Variants in SLC7A14 observed in about 807,000 individuals in gnomAD.
SLC7A14 encodes solute carrier family 7 member 14.
Under a neutral mutation model 60.2 loss-of-function variants are expected in SLC7A14, and 37 were observed. The observed-to-expected ratio is 0.61, with a 90% CI of 0.47 to 0.81. The LOEUF is 0.81. Among genes scored for constraint, SLC7A14 ranks in the 30% least tolerant of loss-of-function variants. The pLI, the probability that SLC7A14 is intolerant of heterozygous loss-of-function variation, is 0.00. For synonymous variants in SLC7A14, 399 were observed against 395.8 expected (o/e 1.01, Z -0.10); for missense variants, 886 against 982.7 (o/e 0.90, Z 1.32).
Position 170,527,016 on chromosome 3 carries a change from C to G in SLC7A14, c.-80G>C. On this transcript the variant is annotated 5_prime_UTR_variant, in exon 2 of 8. Coordinates refer to ENST00000231706, the MANE Select transcript of SLC7A14 (RefSeq NM_020949.3). ...CTTAGTGGATGGTTCTGGAACTCAT[C>G]TAGTGAACAGGGATCTCCCTTTTAG... The G allele has an allele frequency of 6.9e-7, 1 of 1,445,006 alleles. No homozygotes were observed. The highest frequency in any genetic ancestry group is 9.3e-7 in the Non-Finnish European group (1 of 1,075,912). 89.5% of individuals were successfully genotyped at this position (1,445,006 alleles called of 1,614,324 possible).
chr3:170,569,470 C>A (rs1714882721), intron 1 of SLC7A14, among the ~76,000 whole-genome samples: 1 of 151,658 alleles, frequency 6.6e-6, no homozygotes, highest in Non-Finnish European at 1.5e-5. Context: ...GTCTAAAATT[C>A]TCTTTTTTGG....
chr3:170,551,808 T>G (rs1038505715), intron 1 of SLC7A14, among the ~76,000 whole-genome samples: 4 of 152,252 alleles, frequency 2.6e-5, no homozygotes, highest in Non-Finnish European at 5.9e-5. Context: ...GATATATGTG[T>G]TGCAATATAA....
chr3:170,554,786 A>C (rs1714441992), intron 1 of SLC7A14, among the ~76,000 whole-genome samples: 1 of 152,196 alleles, frequency 6.6e-6, no homozygotes, highest in Non-Finnish European at 1.5e-5. Context: ...ATTTGCCCTC[A>C]TCTATTTTTC....
At position 170,484,676 on chromosome 3, in the gene SLC7A14, A is replaced by G. The variant is rs146471025; in HGVS notation, c.907-1154T>C. Among the ~76,000 whole-genome samples, 167 of 152,250 alleles carry G rather than the reference A, an allele frequency of 1.1e-3. 1 individual carries two copies. The highest frequency in any genetic ancestry group is 1.5e-3 in the Non-Finnish European group (104 of 68,010). On this transcript the variant is annotated intron_variant, in intron 5 of 7. Transcript: ENST00000231706. ...GCCAAGGGCCACCAAGGAGGACAGG[A>G]TGTCCTAGCAAAGCCCAGCAACCTT...
intron 1 of SLC7A14, among the ~76,000 whole-genome samples, chr3:170,545,385 A>C (rs180773490): frequency 9.9e-4 from 150 of 152,256 alleles, no homozygotes; most frequent in Admixed American, 9.0e-3. Flanking sequence ...CCTTATCCAG[A>C]GTCTTTTTCC....
chr3:170,549,217 T>C (rs971784048), intron 1 of SLC7A14, among the ~76,000 whole-genome samples: 23 of 132,200 alleles, frequency 1.7e-4, no homozygotes, highest in East Asian at 9.8e-4. Context: ...CCTTCTTCTT[T>C]TTTTTTTTTT....
At chr3:170,476,967 T>C (rs536081799) in intron 7 of SLC7A14, 1 of 152,338 alleles carries the variant, frequency 6.6e-6, no homozygotes, top group East Asian at 1.9e-4. Context: ...GAGTTTTCAA[T>C]GTAAAATGAA....
chr3:170,482,327 A>G (rs887312481), intron 6 of SLC7A14, among the ~76,000 whole-genome samples: 3 of 152,166 alleles, frequency 2.0e-5, no homozygotes, highest in Non-Finnish European at 2.9e-5. Context: ...CGCCTCCATC[A>G]CCCTAGGCCC....
chr3:170,472,968 A>G (rs913181207), intron 7 of SLC7A14, among the ~76,000 whole-genome samples: 19 of 152,176 alleles, frequency 1.2e-4, no homozygotes, highest in African/African-American at 4.3e-4. Flanking sequence ...AATGCACTTT[A>G]TATATTAAAA....
chr3:170,484,936 A>G (rs1389391914), intron 5 of SLC7A14, among the ~76,000 whole-genome samples: 1 of 152,190 alleles, frequency 6.6e-6, no homozygotes, highest in Non-Finnish European at 1.5e-5. Flanking sequence ...TTGGTGGATC[A>G]TAGAAGTACT....
At chr3:170,525,525 G>T (rs1201940480) in intron 2 of SLC7A14, among the ~76,000 whole-genome samples, 1 of 152,100 alleles carries the variant, frequency 6.6e-6, no homozygotes, top group East Asian at 1.9e-4. Context: ...TTCTCCTTGG[G>T]GGCTCGATGC....
intron 7 of SLC7A14, among the ~76,000 whole-genome samples, chr3:170,479,891 T>C (rs1039412965): frequency 6.6e-6 from 1 of 152,210 alleles, no homozygotes; most frequent in Non-Finnish European, 1.5e-5. Context: ...AAATCTAAGA[T>C]AGTTTTTCAT....
chr3:170,547,196 T>C (rs1329892599), intron 1 of SLC7A14, among the ~76,000 whole-genome samples: 3 of 152,234 alleles, frequency 2.0e-5, no homozygotes, highest in African/African-American at 7.2e-5. Flanking sequence ...GCAGATTCTA[T>C]GAGCCAAATA....
At chr3:170,548,348 A>T (rs961991665) in intron 1 of SLC7A14, among the ~76,000 whole-genome samples, 1 of 152,204 alleles carries the variant, frequency 6.6e-6, no homozygotes, top group Non-Finnish European at 1.5e-5. Flanking sequence ...GGCTTAAATA[A>T]ATAAACACAA....
At position 170,462,055 on chromosome 3, in the gene SLC7A14, C is replaced by G. The variant is rs1424124371; in HGVS notation, c.*5000G>C. ...TGCGTAGACTCCGTAAGCAGACCCCCGCTCTGGCTTCAGACACATTTCCTG... is the reference window on the plus strand; with the variant it reads ...TGCGTAGACTCCGTAAGCAGACCCCGGCTCTGGCTTCAGACACATTTCCTG... On this transcript the variant is annotated 3_prime_UTR_variant, in exon 8 of 8. Transcript: ENST00000231706. 1 of 152,410 alleles carries G rather than the reference C, an allele frequency of 6.6e-6. No homozygotes were observed. The highest frequency in any genetic ancestry group is 6.5e-5 in the Admixed American group (1 of 15,280). 9.4% of individuals were successfully genotyped at this position (152,410 alleles called of 1,614,324 possible). A position where few individuals can be genotyped will look rare whatever the true frequency, so the allele number is the denominator to read the frequency against.
chr3:170,488,130 G>T (rs367692821), intron 4 of SLC7A14, among the ~76,000 whole-genome samples: 56 of 152,178 alleles, frequency 3.7e-4, no homozygotes, highest in African/African-American at 1.3e-3. Flanking sequence ...CTTTGAATTC[G>T]TGTGTAATTA....
At chr3:170,510,654 G>A (rs1214889001) in intron 2 of SLC7A14, among the ~76,000 whole-genome samples, 1 of 152,126 alleles carries the variant, frequency 6.6e-6, no homozygotes, top group Non-Finnish European at 1.5e-5. Flanking sequence ...TGCTCATGTG[G>A]TTACTTTCAA....
intron 1 of SLC7A14, among the ~76,000 whole-genome samples, chr3:170,533,679 G>A (rs62293557): frequency 7.0e-6 from 1 of 143,730 alleles, no homozygotes; most frequent in South Asian, 2.1e-4. Context: ...GTGTGTGTGT[G>A]GTGTGTGTGT....
intron 2 of SLC7A14, among the ~76,000 whole-genome samples, chr3:170,508,837 A>G (rs1343329242): frequency 6.6e-6 from 1 of 152,218 alleles, no homozygotes; most frequent in African/African-American, 2.4e-5. Flanking sequence ...ACAGGACCTC[A>G]GAGAGAAATG....
Sources: allele counts gnomAD v4.1 joint callset (sites outside exome capture counted in the v4.1 genomes callset), GRCh38; gene constraint gnomAD v4.1.1; transcripts MANE v1.5; gene names NCBI Gene and HGNC (gene_info 2026-07-23, HGNC 2026-07-21).